UNC13C: variants seen among roughly 807,000 people sequenced by gnomAD.
UNC13C encodes protein unc-13 homolog C.
Under a neutral mutation model 245.4 loss-of-function variants are expected in UNC13C, and 174 were observed. That is an observed-to-expected ratio of 0.71 (90% CI 0.63 to 0.80). UNC13C has a LOEUF of 0.80. UNC13C is among the 30% of genes least tolerant of loss of function. The pLI is 0.00. For synonymous variants in UNC13C, 992 were observed against 895.1 expected (o/e 1.11, Z -1.93); for missense variants, 2,829 against 2,602.9 (o/e 1.09, Z -1.89).
chr15:54,148,389 C>A (rs1017877287), intron 4 of UNC13C, among the ~76,000 whole-genome samples: 2 of 152,084 alleles, frequency 1.3e-5, no homozygotes, highest in Non-Finnish European at 2.9e-5. Flanking sequence ...TTTTTGTTAC[C>A]GTTGTAGAAC....
At chr15:53,887,315 T>A in the UNC13C span, among the ~76,000 whole-genome samples, 1 of 152,186 alleles carries the variant, frequency 6.6e-6, no homozygotes, top group African/African-American at 2.4e-5. Context: ...AATCCCCCGT[T>A]ATTTAATATG....
rs530424781 is a variant in UNC13C, at chr15:54,605,960, G to A, written c.6107-16367G>A. On this transcript the variant is annotated intron_variant, in intron 30 of 32. Coordinates refer to ENST00000260323, the MANE Select transcript of UNC13C (RefSeq NM_001080534.3). ...AGTGTTATACCCTGGGCAGAGCACT[G>A]TCTGCCTCTGCCTTCTTTAAGAAGC... Among the ~76,000 whole-genome samples, 6 of 152,238 alleles carry A rather than the reference G, an allele frequency of 3.9e-5. No individual in the cohort carries two copies. The East Asian group carries it at 1.2e-3, about 29-fold the overall frequency.
Position 54,265,343 on chromosome 15 carries a change from G to T in UNC13C, c.3677-12G>T. The T allele has an allele frequency of 6.8e-7, 1 of 1,472,992 alleles. No individual in the cohort carries two copies. Among genetic ancestry groups the T allele is most frequent in the Non-Finnish European group, 9.0e-7 (1 of 1,107,734 alleles). The allele number at this position is 1,472,992 out of a possible 1,614,324, so 91.2% of individuals were successfully genotyped here. ...CTCTGTATGTTAAAATGTTTATTTT[G>T]GTTTATTTCAGTGGTTTCTGCACAG... On this transcript the variant is annotated splice_polypyrimidine_tract_variant and intron_variant, in intron 9 of 32. Coordinates refer to ENST00000260323, the MANE Select transcript of UNC13C (RefSeq NM_001080534.3).
intron 19 of UNC13C, among the ~76,000 whole-genome samples, chr15:54,464,235 A>T (rs551352878): frequency 5.3e-5 from 8 of 152,166 alleles, no homozygotes; most frequent in Non-Finnish European, 1.2e-4. Context: ...GATACAGTTG[A>T]ATCCATTTTC....
intron 19 of UNC13C, among the ~76,000 whole-genome samples, chr15:54,467,884 T>C (rs1313442915): frequency 6.6e-6 from 1 of 151,732 alleles, no homozygotes; most frequent in African/African-American, 2.4e-5. Flanking sequence ...TTCAGTTGTT[T>C]CCCACATTGA....
chr15:54,455,267 G>A (rs1342767767), intron 19 of UNC13C, among the ~76,000 whole-genome samples: 3 of 131,512 alleles, frequency 2.3e-5, no homozygotes, highest in African/African-American at 8.4e-5. Context: ...TGGTAGATGG[G>A]CATTTAGGCT....
At chr15:53,875,642 G>T in the UNC13C span, among the ~76,000 whole-genome samples, 1 of 152,174 alleles carries the variant, frequency 6.6e-6, no homozygotes, top group East Asian at 1.9e-4. Context: ...AAGATTGATT[G>T]AGCAGGGAAA....
chr15:54,374,245 C>T (rs953776917), intron 17 of UNC13C, among the ~76,000 whole-genome samples: 2 of 152,162 alleles, frequency 1.3e-5, no homozygotes, highest in Non-Finnish European at 2.9e-5. Flanking sequence ...GGCAGCCCAG[C>T]CCCCAGCTTC....
intron 19 of UNC13C, among the ~76,000 whole-genome samples, chr15:54,485,435 C>T (rs1221992290): frequency 6.6e-6 from 1 of 152,168 alleles, no homozygotes; most frequent in African/African-American, 2.4e-5. Flanking sequence ...GACTTCATGC[C>T]TCACCGCTTC....
At chr15:54,201,832 G>A (rs529121827) in intron 4 of UNC13C, among the ~76,000 whole-genome samples, 9 of 151,864 alleles carry the variant, frequency 5.9e-5, no homozygotes, top group African/African-American at 1.9e-4. Context: ...GACAAGAGAA[G>A]GAACTAAGGG....
intron 17 of UNC13C, among the ~76,000 whole-genome samples, chr15:54,345,328 A>G (rs1448766221): frequency 1.3e-5 from 2 of 152,210 alleles, no homozygotes; most frequent in Non-Finnish European, 2.9e-5. Flanking sequence ...TATTATAAAC[A>G]AGATTGAATG....
At chr15:54,038,124 A>ATATATATATATATATTTTTTTTTT in intron 2 of UNC13C, among the ~76,000 whole-genome samples, 1 of 45,034 alleles carries the variant, frequency 2.2e-5, no homozygotes, top group Admixed American at 5.0e-4. Context: ...ATATATATAT[A>ATATATATATATATATTTTTTTTTT]TTTTTTTTTT....
chr15:53,870,169 T>C, the UNC13C span, among the ~76,000 whole-genome samples: 1 of 152,242 alleles, frequency 6.6e-6, no homozygotes, highest in Non-Finnish European at 1.5e-5. Flanking sequence ...TTTGTCTAAA[T>C]CCTTCTCCTT....
chr15:54,048,932 A>T (rs975945991), intron 2 of UNC13C: 1 of 278,088 alleles, frequency 3.6e-6, no homozygotes, highest in Non-Finnish European at 7.2e-6. Flanking sequence ...CTGTAAATTG[A>T]GTATCTTGAA....
chr15:54,477,554 C>T (rs1353255467), intron 19 of UNC13C, among the ~76,000 whole-genome samples: 120 of 102,650 alleles, frequency 1.2e-3, no homozygotes, highest in East Asian at 3.5e-3. Context: ...TTTTCTGCAT[C>T]TATTGAGATA....
chr15:53,960,623 A>G, the UNC13C span, among the ~76,000 whole-genome samples: 1 of 152,216 alleles, frequency 6.6e-6, no homozygotes, highest in Non-Finnish European at 1.5e-5. Flanking sequence ...GACCCAGAGG[A>G]CTCATTAAAT....
chr15:53,886,623 T>A, the UNC13C span, among the ~76,000 whole-genome samples: 1 of 152,194 alleles, frequency 6.6e-6, no homozygotes, highest in Non-Finnish European at 1.5e-5. Flanking sequence ...AATTCTTCAC[T>A]CCTTAAGTTT....
chr15:54,175,066 C>T (rs904089406), intron 4 of UNC13C, among the ~76,000 whole-genome samples: 24 of 152,108 alleles, frequency 1.6e-4, no homozygotes, highest in African/African-American at 4.6e-4. Flanking sequence ...GCGCCTTTAT[C>T]TTTCTCAACT....
intron 19 of UNC13C, among the ~76,000 whole-genome samples, chr15:54,445,775 A>G (rs964189072): frequency 6.6e-6 from 1 of 152,088 alleles, no homozygotes; most frequent in East Asian, 1.9e-4. Context: ...TTCTTTTGCT[A>G]TGCAGAAGCT....
Sources: allele counts gnomAD v4.1 joint callset (sites outside exome capture counted in the v4.1 genomes callset), GRCh38; gene constraint gnomAD v4.1.1; transcripts MANE v1.5; gene names NCBI Gene and HGNC (gene_info 2026-07-23, HGNC 2026-07-21).